The following CAMKMT variants were observed in gnomAD, a reference collection of about 807,000 sequenced individuals.
The protein encoded by CAMKMT is CaM KMT.
In CAMKMT, 53 loss-of-function variants were observed where a neutral mutation model predicts 48.0. The ratio of observed to expected loss-of-function variants is 1.10; its 90% confidence interval spans 0.89 to 1.39. The LOEUF (loss-of-function observed/expected upper bound fraction) is 1.39, where lower values mean the gene tolerates loss of function less well. Ranked by LOEUF, CAMKMT falls within the 40% of genes most tolerant of loss-of-function variation. The probability of loss-of-function intolerance (pLI) is 0.00; values close to 1 mark genes in which losing one functional copy is unlikely to be tolerated. For synonymous variants in CAMKMT, 165 were observed against 152.3 expected (o/e 1.08, Z -0.61); for missense variants, 428 against 402.7 (o/e 1.06, Z -0.54).
At chr2:44,716,340 C>T (rs537321577) in intron 7 of CAMKMT, among the ~76,000 whole-genome samples, 3 of 152,204 alleles carry the variant, frequency 2.0e-5, no homozygotes, top group Admixed American at 6.5e-5. Context: ...ACGATACAGC[C>T]CCGGCAGCCA....
intron 3 of CAMKMT, among the ~76,000 whole-genome samples, chr2:44,421,903 T>C (rs1036680286): frequency 6.6e-6 from 1 of 152,206 alleles, no homozygotes; most frequent in African/African-American, 2.4e-5. Context: ...AATAAATTCA[T>C]TGGATATCAA....
intron 3 of CAMKMT, among the ~76,000 whole-genome samples, chr2:44,631,007 A>G (rs528456431): frequency 6.6e-6 from 1 of 152,300 alleles, no homozygotes; most frequent in East Asian, 1.9e-4. Flanking sequence ...CAAATGTCCA[A>G]CAATGATAGA....
At chr2:44,621,254 G>A (rs1480223661) in intron 3 of CAMKMT, among the ~76,000 whole-genome samples, 2 of 107,428 alleles carry the variant, frequency 1.9e-5, no homozygotes, top group East Asian at 2.3e-4. Flanking sequence ...GCGACAGAGC[G>A]AGACTCCATC....
chr2:44,538,824 C>G (rs1331599760), intron 3 of CAMKMT, among the ~76,000 whole-genome samples: 1 of 151,970 alleles, frequency 6.6e-6, no homozygotes, highest in Non-Finnish European at 1.5e-5. Context: ...AAGTTGCATA[C>G]CATTTACTTA....
intron 3 of CAMKMT, among the ~76,000 whole-genome samples, chr2:44,518,941 ATACC>A (rs1045315424): frequency 2.9e-4 from 44 of 152,358 alleles, no homozygotes; most frequent in African/African-American, 1.0e-3. Context: ...AGTCCAGTAT[ATACC>A]TACCATAATG....
intron 3 of CAMKMT, among the ~76,000 whole-genome samples, chr2:44,484,678 A>G: frequency 8.6e-6 from 1 of 115,690 alleles, no homozygotes; most frequent in Non-Finnish European, 1.8e-5. Context: ...AGGTAAGGAT[A>G]TCTTAAATAG....
intron 3 of CAMKMT, among the ~76,000 whole-genome samples, chr2:44,659,819 T>A (rs981476401): frequency 1.3e-5 from 2 of 152,156 alleles, no homozygotes; most frequent in Non-Finnish European, 2.9e-5. Context: ...TATTTCAGCA[T>A]AAACTATTTA....
In CAMKMT at chr2:44,734,954, C is replaced by A. The variant is rs72794030; in HGVS notation, c.624-8668C>A. On this transcript the variant is annotated intron_variant, in intron 7 of 10. Coordinates refer to ENST00000378494, the MANE Select transcript of CAMKMT (RefSeq NM_024766.5). ...ATTACTGAGAGGGGAGTATTAAAAT[C>A]TCTGACAATAATTTGGTTTCATCTG... 3.7e-3 allele frequency among the ~76,000 whole-genome samples: 569 copies of A among 152,266 alleles called. 3 individuals carry two copies. Among genetic ancestry groups the A allele is most frequent in the Middle Eastern group, 0.01 (3 of 294 alleles).
intron 3 of CAMKMT, among the ~76,000 whole-genome samples, chr2:44,687,805 T>A (rs1676421512): frequency 6.6e-6 from 1 of 152,220 alleles, no homozygotes; most frequent in Non-Finnish European, 1.5e-5. Context: ...CTGCAGCAAA[T>A]GAAAGCAGGC....
intron 3 of CAMKMT, among the ~76,000 whole-genome samples, chr2:44,627,137 T>G (rs1302815722): frequency 6.6e-6 from 1 of 152,216 alleles, no homozygotes; most frequent in Non-Finnish European, 1.5e-5. Context: ...GTATAGCTTT[T>G]CTCCTTTACT....
chr2:44,706,250 T>G (rs1431930192), intron 4 of CAMKMT, 37 bp from the exon 5 acceptor site: 1 of 1,608,156 alleles, frequency 6.2e-7, no homozygotes, highest in Admixed American at 1.7e-5. Flanking sequence ...TTTCATCTAA[T>G]TTGTATGGGT....
chr2:44,505,846 A>ATTTT (rs572034439), intron 3 of CAMKMT, among the ~76,000 whole-genome samples: 3 of 4,678 alleles, frequency 6.4e-4, no homozygotes, highest in Non-Finnish European at 2.8e-3. Context: ...TATTTACTTT[A>ATTTT]TTTATTTATT....
intron 3 of CAMKMT, among the ~76,000 whole-genome samples, chr2:44,584,390 T>C (rs1669734172): frequency 6.6e-6 from 1 of 152,182 alleles, no homozygotes; most frequent in East Asian, 1.9e-4. Flanking sequence ...TCACCACATA[T>C]GAATAGTGTT....
At chr2:44,651,519 A>G (rs1363262087) in intron 3 of CAMKMT, among the ~76,000 whole-genome samples, 1 of 152,012 alleles carries the variant, frequency 6.6e-6, no homozygotes, top group Non-Finnish European at 1.5e-5. Flanking sequence ...CCCTGTCTCT[A>G]CTAAAGATAC....
At chr2:44,404,781 C>A (rs138490062) in intron 3 of CAMKMT, among the ~76,000 whole-genome samples, 2 of 152,018 alleles carry the variant, frequency 1.3e-5, no homozygotes, top group Non-Finnish European at 2.9e-5. Context: ...TTCCTAGTTT[C>A]TTTTTCTACT....
intron 3 of CAMKMT, among the ~76,000 whole-genome samples, chr2:44,699,207 G>A (rs1446040464): frequency 3.3e-5 from 5 of 152,288 alleles, no homozygotes; most frequent in South Asian, 2.1e-4. Flanking sequence ...GTCCTTTCCA[G>A]AAGATTTTCA....
chr2:44,488,719 A>AT (rs1453838077), intron 3 of CAMKMT, among the ~76,000 whole-genome samples: 1 of 151,790 alleles, frequency 6.6e-6, no homozygotes, highest in Non-Finnish European at 1.5e-5. Context: ...CAAAAAAAAA[A>AT]CTCACCCCAA....
chr2:44,608,798 CAG>C (rs1671442957), intron 3 of CAMKMT, among the ~76,000 whole-genome samples: 1 of 152,132 alleles, frequency 6.6e-6, no homozygotes, highest in African/African-American at 2.4e-5. Context: ...TTGAAGAAAA[CAG>C]GGTCATTTGT....
intron 2 of CAMKMT, among the ~76,000 whole-genome samples, chr2:44,383,669 C>G (rs975895115): frequency 1.3e-5 from 2 of 152,104 alleles, no homozygotes; most frequent in African/African-American, 4.8e-5. Flanking sequence ...TCCATTGTAT[C>G]ATTCTTATGC....
Sources: gnomAD v4.1 joint callset for allele counts (sites outside exome capture counted in the v4.1 genomes callset) on GRCh38, gnomAD v4.1.1 for gene constraint, MANE v1.5 for transcripts, NCBI Gene and HGNC (gene_info 2026-07-23, HGNC 2026-07-21) for gene names.